OTUD7A: variants seen among roughly 807,000 people sequenced by gnomAD.
The protein encoded by OTUD7A is OTU deubiquitinase 7A.
Under a neutral mutation model 65.7 loss-of-function variants are expected in OTUD7A, and 12 were observed. That is an observed-to-expected ratio of 0.18 (90% CI 0.12 to 0.30). The LOEUF (loss-of-function observed/expected upper bound fraction) is 0.30, where lower values mean the gene tolerates loss of function less well. OTUD7A is among the 10% of genes least tolerant of loss of function. The probability of loss-of-function intolerance (pLI) is 1.00; values close to 1 mark genes in which losing one functional copy is unlikely to be tolerated. For synonymous variants in OTUD7A, 641 were observed against 586.3 expected (o/e 1.09, Z -1.35); for missense variants, 1,148 against 1,304.8 (o/e 0.88, Z 1.85).
chr15:31,505,747 AATTTTT>A (rs939815408), intron 8 of OTUD7A, among the ~76,000 whole-genome samples: 10 of 72,554 alleles, frequency 1.4e-4, no homozygotes, highest in Non-Finnish European at 2.4e-4. Flanking sequence ...AATTGAAGTT[AATTTTT>A]TTTTTTTTTT....
intron 1 of OTUD7A, among the ~76,000 whole-genome samples, chr15:31,746,213 G>A (rs923984625): frequency 6.6e-6 from 1 of 152,114 alleles, no homozygotes; most frequent in African/African-American, 2.4e-5. Context: ...GAAAACATGT[G>A]TCTACACACA....
At position 31,662,013 on chromosome 15, in the gene OTUD7A, T is replaced by G. The variant is rs192908099; in HGVS notation, c.-99-4936A>C. Among the ~76,000 whole-genome samples the G allele has an allele frequency of 2.8e-4, 42 of 152,336 alleles. No individual in the cohort carries two copies. In the East Asian group the frequency reaches 7.9e-3, roughly 29 times the overall value. Reference sequence around the variant, plus strand: ...ATGCTCCTCTGTCCTCTCTATTTCATGTAAATCAGCACTGGGATGTAAGAC... The same window carrying G: ...ATGCTCCTCTGTCCTCTCTATTTCAGGTAAATCAGCACTGGGATGTAAGAC... On this transcript the variant is annotated intron_variant, in intron 1 of 12. Coordinates refer to ENST00000307050, the MANE Select transcript of OTUD7A (RefSeq NM_001382637.1).
At chr15:31,830,057 G>A (rs1662598200) in intron 1 of OTUD7A, among the ~76,000 whole-genome samples, 1 of 152,162 alleles carries the variant, frequency 6.6e-6, no homozygotes, top group African/African-American at 2.4e-5. Flanking sequence ...CATGAGGCTG[G>A]TGGCTGTACA....
intron 1 of OTUD7A, among the ~76,000 whole-genome samples, chr15:31,690,104 A>G (rs1462239107): frequency 6.6e-6 from 1 of 152,192 alleles, no homozygotes; most frequent in African/African-American, 2.4e-5. Context: ...ACATAGGATA[A>G]GGTCCCTAGT....
chr15:31,715,100 C>T (rs1893548996), intron 1 of OTUD7A, among the ~76,000 whole-genome samples: 1 of 151,804 alleles, frequency 6.6e-6, no homozygotes. Context: ...CACCACTGCA[C>T]TCCAGACTGG....
At chr15:31,763,281 T>TCAA (rs372323034) in intron 1 of OTUD7A, among the ~76,000 whole-genome samples, 1,573 of 151,094 alleles carry the variant, frequency 0.01, 6 homozygotes, top group Non-Finnish European at 0.012. Flanking sequence ...AGACTCCATC[T>TCAA]CAACAACAAC....
At chr15:31,595,453 C>T (rs762924136) in intron 3 of OTUD7A, among the ~76,000 whole-genome samples, 13 of 152,346 alleles carry the variant, frequency 8.5e-5, no homozygotes, top group Non-Finnish European at 1.3e-4. Context: ...ATGCCCAGAG[C>T]TGTGCCCAGC....
At chr15:31,500,762 GCCCTGGACAGGGCACTT>G (rs2141080522) in intron 10 of OTUD7A, among the ~76,000 whole-genome samples, 1 of 152,326 alleles carries the variant, frequency 6.6e-6, no homozygotes, top group East Asian at 1.9e-4. Context: ...CCCCCTGTTG[GCCCTGGACAGGGCACTT>G]CCCATTCTCT....
intron 8 of OTUD7A, among the ~76,000 whole-genome samples, chr15:31,507,042 A>G (rs1405780092): frequency 1.3e-5 from 2 of 152,144 alleles, no homozygotes; most frequent in Non-Finnish European, 2.9e-5. Flanking sequence ...ATTTTGATGT[A>G]TTGTTTTGAT....
rs368163714 is a variant in OTUD7A at position 31,735,710 on chromosome 15, G to A, written c.-99-78633C>T. 4.0e-4 allele frequency among the ~76,000 whole-genome samples: 61 copies of A among 152,220 alleles called. 1 individual carries two copies. Among genetic ancestry groups the A allele is most frequent in the African/African-American group, 1.4e-3 (58 of 41,534 alleles). On this transcript the variant is annotated intron_variant, in intron 1 of 12. Coordinates refer to ENST00000307050, the MANE Select transcript of OTUD7A (RefSeq NM_001382637.1). ...TTCAACCCAGCAACCCCATTACTGG[G>A]TATATACCCAAAGCACTATAAATCA...
intron 1 of OTUD7A, among the ~76,000 whole-genome samples, chr15:31,738,383 A>G (rs1172821277): frequency 1.3e-5 from 2 of 152,134 alleles, no homozygotes; most frequent in East Asian, 1.9e-4. Flanking sequence ...TGAGCATGCA[A>G]TAAGTCAGAA....
At chr15:31,634,798 A>G (rs1001510687) in intron 3 of OTUD7A, among the ~76,000 whole-genome samples, 8 of 152,220 alleles carry the variant, frequency 5.3e-5, no homozygotes, top group African/African-American at 1.2e-4. Flanking sequence ...TCCTCGCCTC[A>G]GTCTGGGGCC....
chr15:31,841,962 C>A (rs754620182), intron 1 of OTUD7A, among the ~76,000 whole-genome samples: 2 of 152,204 alleles, frequency 1.3e-5, no homozygotes, highest in African/African-American at 2.4e-5. Context: ...TCCACCCATG[C>A]TCTAGAATGT....
At chr15:31,732,401 G>A (rs1444929907) in intron 1 of OTUD7A, among the ~76,000 whole-genome samples, 1 of 152,210 alleles carries the variant, frequency 6.6e-6, no homozygotes, top group Non-Finnish European at 1.5e-5. Flanking sequence ...GGTACATGTG[G>A]CCTCCTAGTT....
chr15:31,670,182 C>CT (rs1310335496), intron 1 of OTUD7A, among the ~76,000 whole-genome samples: 6 of 150,704 alleles, frequency 4.0e-5, no homozygotes, highest in Non-Finnish European at 8.8e-5. Flanking sequence ...CAGTCTATCA[C>CT]TGATGGGCAT....
chr15:31,550,625 G>T (rs951253504), intron 5 of OTUD7A, among the ~76,000 whole-genome samples: 1 of 152,152 alleles, frequency 6.6e-6, no homozygotes, highest in Non-Finnish European at 1.5e-5. Flanking sequence ...TCAGCCTTGA[G>T]AGACTATGAG....
At chr15:31,520,554 G>A (rs1176367127) in intron 8 of OTUD7A, among the ~76,000 whole-genome samples, 1 of 152,138 alleles carries the variant, frequency 6.6e-6, no homozygotes, top group East Asian at 1.9e-4. Context: ...ATTCTACAAG[G>A]AAACCTATGT....
intron 1 of OTUD7A, among the ~76,000 whole-genome samples, chr15:31,868,422 C>T (rs552081258): frequency 6.6e-6 from 1 of 152,280 alleles, no homozygotes; most frequent in South Asian, 2.1e-4. Flanking sequence ...TTCACAGACT[C>T]CATTTTCAAA....
chr15:31,655,266 G>A lies in OTUD7A; in HGVS notation c.-4-16C>T. On this transcript the variant is annotated splice_polypyrimidine_tract_variant and intron_variant, in intron 2 of 12. Transcript: ENST00000307050. The stretch of plus-strand genomic sequence containing the variant: ...AACCATCCATCTGCAGGAAAGAAGA[G>A]AAAGGGCATTTTACCACGTGATGGA... The A allele has an allele frequency of 8.5e-7, 1 of 1,179,672 alleles. No homozygotes were observed. The highest frequency in any genetic ancestry group is 2.5e-5 in the Admixed American group (1 of 39,932). The allele number at this position is 1,179,672 out of a possible 1,614,324, so 73.1% of individuals were successfully genotyped here.
Sources: allele counts gnomAD v4.1 joint callset (sites outside exome capture counted in the v4.1 genomes callset), GRCh38; gene constraint gnomAD v4.1.1; transcripts MANE v1.5; gene names NCBI Gene and HGNC (gene_info 2026-07-23, HGNC 2026-07-21).